Variants in KCNIP4 observed in about 807,000 individuals in gnomAD.
KCNIP4 encodes potassium voltage-gated channel interacting protein 4.
KCNIP4 carries 12 observed loss-of-function variants against 34.0 expected under a neutral mutation model. The ratio of observed to expected loss-of-function variants is 0.35; its 90% CI spans 0.23 to 0.57. The LOEUF (loss-of-function observed/expected upper bound fraction) is 0.57. Ranked by LOEUF, KCNIP4 falls within the 20% of genes least tolerant of loss-of-function variation. The probability of loss-of-function intolerance (pLI) is 0.83; values close to 1 mark genes in which losing one functional copy is unlikely to be tolerated. For missense variants in KCNIP4, 238 were observed against 311.7 expected (o/e 0.76, Z 1.78); for synonymous variants, 124 against 102.2 (o/e 1.21, Z -1.29).
intron 1 of KCNIP4, among the ~76,000 whole-genome samples, chr4:21,625,367 T>A (rs556960407): frequency 6.6e-6 from 1 of 152,202 alleles, no homozygotes; most frequent in South Asian, 2.1e-4. Flanking sequence ...TATATTACTA[T>A]TTATAATTAT....
At chr4:21,945,361 G>T (rs2109024261) in intron 1 of KCNIP4, among the ~76,000 whole-genome samples, 1 of 152,210 alleles carries the variant, frequency 6.6e-6, no homozygotes, top group Middle Eastern at 3.4e-3. Flanking sequence ...CATTTGTTTA[G>T]TACACCTCTT....
chr4:21,070,985 G>T (rs921345768), intron 1 of KCNIP4, among the ~76,000 whole-genome samples: 1 of 151,914 alleles, frequency 6.6e-6, no homozygotes, highest in African/African-American at 2.4e-5. Flanking sequence ...TGAGTTGTGA[G>T]TTTTTAAATA....
At chr4:20,991,241 T>C (rs142892204) in intron 1 of KCNIP4, among the ~76,000 whole-genome samples, 178 of 152,308 alleles carry the variant, frequency 1.2e-3, no homozygotes, top group Middle Eastern at 3.4e-3. Context: ...AGACACAAGA[T>C]TTAAAATGCG....
intron 1 of KCNIP4, among the ~76,000 whole-genome samples, chr4:21,298,668 G>A (rs530360703): frequency 1.2e-3 from 181 of 152,168 alleles, no homozygotes; most frequent in African/African-American, 4.2e-3. Context: ...TAAAGTGTGC[G>A]CTTGATTTGA....
intron 1 of KCNIP4, among the ~76,000 whole-genome samples, chr4:21,581,346 T>C (rs957008438): frequency 1.3e-5 from 2 of 151,998 alleles, no homozygotes; most frequent in African/African-American, 4.8e-5. Context: ...TGGAAAAGAC[T>C]ATAGACATGT....
At chr4:21,929,200 A>G (rs1729429425) in intron 1 of KCNIP4, among the ~76,000 whole-genome samples, 1 of 152,150 alleles carries the variant, frequency 6.6e-6, no homozygotes, top group East Asian at 1.9e-4. Context: ...AATTAATGGG[A>G]AAGATAAACA....
At chr4:21,195,949 T>G (rs1427696645) in intron 1 of KCNIP4, among the ~76,000 whole-genome samples, 1 of 151,596 alleles carries the variant, frequency 6.6e-6, no homozygotes. Context: ...AAGGAAGCAG[T>G]CAGCGACCAG....
At chr4:21,205,869 T>C (rs547037119) in intron 1 of KCNIP4, among the ~76,000 whole-genome samples, 2 of 152,304 alleles carry the variant, frequency 1.3e-5, no homozygotes, top group African/African-American at 4.8e-5. Flanking sequence ...GCCCTATGGT[T>C]AATCACTGTA....
chr4:20,777,730 G>A (rs1225835078), intron 3 of KCNIP4, among the ~76,000 whole-genome samples: 14 of 152,214 alleles, frequency 9.2e-5, no homozygotes. Context: ...GTAGATTGCA[G>A]AGATGAATTA....
At chr4:21,909,077 G>C (rs928020377) in intron 1 of KCNIP4, among the ~76,000 whole-genome samples, 7 of 151,946 alleles carry the variant, frequency 4.6e-5, no homozygotes, top group African/African-American at 1.7e-4. Context: ...TAAATGTTCA[G>C]TAATCACTAG....
intron 1 of KCNIP4, among the ~76,000 whole-genome samples, chr4:21,295,454 T>C (rs1763783106): frequency 6.6e-6 from 1 of 152,170 alleles, no homozygotes; most frequent in Non-Finnish European, 1.5e-5. Flanking sequence ...TCTAAAGTCC[T>C]TATAATGGCC....
At chr4:21,399,696 G>A (rs1220206171) in intron 1 of KCNIP4, among the ~76,000 whole-genome samples, 1 of 149,128 alleles carries the variant, frequency 6.7e-6, no homozygotes, top group African/African-American at 2.5e-5. Context: ...TCACACTGTC[G>A]AACAGGCTGG....
chr4:21,223,722 C>A (rs1002515537), intron 1 of KCNIP4, among the ~76,000 whole-genome samples: 7 of 152,114 alleles, frequency 4.6e-5, no homozygotes, highest in Admixed American at 4.6e-4. Context: ...CTTTAATTTA[C>A]CAATGCAATC....
intron 1 of KCNIP4, among the ~76,000 whole-genome samples, chr4:21,319,422 T>C (rs903789896): frequency 1.3e-5 from 2 of 152,236 alleles, no homozygotes; most frequent in East Asian, 3.9e-4. Context: ...TCTAAATCCA[T>C]AGTTTATTCC....
intron 1 of KCNIP4, among the ~76,000 whole-genome samples, chr4:21,265,029 G>A (rs1345170181): frequency 6.6e-6 from 1 of 151,856 alleles, no homozygotes; most frequent in African/African-American, 2.4e-5. Flanking sequence ...AATCCAAAAG[G>A]TGAACATTGC....
At chr4:21,869,366 A>T (rs1449395699) in intron 1 of KCNIP4, among the ~76,000 whole-genome samples, 2 of 152,128 alleles carry the variant, frequency 1.3e-5, no homozygotes, top group Non-Finnish European at 2.9e-5. Flanking sequence ...GTTGAGAATG[A>T]CACCTGAGGT....
At chr4:21,493,347 G>A (rs1019597917) in intron 1 of KCNIP4, among the ~76,000 whole-genome samples, 7 of 151,982 alleles carry the variant, frequency 4.6e-5, no homozygotes. Flanking sequence ...TAGACCAATG[G>A]GAAATACATA....
At chr4:21,907,248 G>A (rs528378665) in intron 1 of KCNIP4, among the ~76,000 whole-genome samples, 186 of 152,220 alleles carry the variant, frequency 1.2e-3, no homozygotes, top group Non-Finnish European at 2.3e-3. Flanking sequence ...CGCTCTTGCA[G>A]GACTAACTCC....
At chr4:20,797,353 G>C (rs1227201694) in intron 3 of KCNIP4, among the ~76,000 whole-genome samples, 2 of 152,174 alleles carry the variant, frequency 1.3e-5, no homozygotes, top group African/African-American at 4.8e-5. Context: ...TGACTTCAGA[G>C]AGAATAATAG....
Sources: allele counts gnomAD v4.1 joint callset (sites outside exome capture counted in the v4.1 genomes callset), GRCh38; gene constraint gnomAD v4.1.1; transcripts MANE v1.5; gene names NCBI Gene and HGNC (gene_info 2026-07-23, HGNC 2026-07-21).